SHROOM3: variants seen among roughly 807,000 people sequenced by gnomAD.
SHROOM3 encodes the protein protein Shroom3.
SHROOM3 carries 47 observed loss-of-function variants against 138.6 expected under a neutral mutation model. That is an observed-to-expected ratio of 0.34 (90% CI 0.27 to 0.43). SHROOM3 has a LOEUF of 0.43. SHROOM3 is among the 20% of genes least tolerant of loss of function. SHROOM3 has a pLI of 1.00. For synonymous variants in SHROOM3, 1,062 were observed against 1,063.3 expected (o/e 1.00, Z 0.02); for missense variants, 2,491 against 2,596.5 (o/e 0.96, Z 0.88).
At chr4:76,442,053 A>C (rs938679158) in intron 1 of SHROOM3, among the ~76,000 whole-genome samples, 24 of 152,198 alleles carry the variant, frequency 1.6e-4, no homozygotes, top group Non-Finnish European at 3.4e-4. Context: ...CAGGTATATA[A>C]AGGTCCTATA....
At chr4:76,504,180 C>T (rs1393913725) in intron 1 of SHROOM3, among the ~76,000 whole-genome samples, 2 of 151,146 alleles carry the variant, frequency 1.3e-5, no homozygotes, top group African/African-American at 4.9e-5. Flanking sequence ...TTTTTTGAAA[C>T]GGAGTTTTAC....
intron 2 of SHROOM3, among the ~76,000 whole-genome samples, chr4:76,576,712 T>G (rs968831017): frequency 6.6e-6 from 1 of 152,184 alleles, no homozygotes; most frequent in East Asian, 1.9e-4. Flanking sequence ...TTCTTCATGA[T>G]GTGATTATTA....
Position 76,739,748 on chromosome 4 carries a change from G to A in SHROOM3, c.1575G>A (p.Arg525=). 1 of 1,614,224 alleles carries A rather than the reference G, an allele frequency of 6.2e-7. No homozygotes were observed. The highest frequency in any genetic ancestry group is 8.5e-7 in the Non-Finnish European group (1 of 1,180,034). ...ATGGGAACCAGAATGGATCTGGCAG[G>A]CCTGGGTTTGCCTTCTGCCAGCCCT... ...DENGNQNGSG[R]PGFAFCQPLE... is the part of the protein sequence containing the mutation. The change falls in exon 5 of 11, where the codon AGG becomes AGA. Residue 525 remains arginine, a synonymous_variant. Transcript: ENST00000296043.
At chr4:76,755,256 A>C (rs938411815) in intron 7 of SHROOM3, 64 bp downstream of exon 7, 2 of 1,570,060 alleles carry the variant, frequency 1.3e-6, no homozygotes, top group East Asian at 2.3e-5. Flanking sequence ...CAGGTGGCCC[A>C]GGTCCTTCTG....
chr4:76,708,635 T>G (rs188853649), intron 2 of SHROOM3, among the ~76,000 whole-genome samples: 3 of 152,304 alleles, frequency 2.0e-5, no homozygotes, highest in African/African-American at 7.2e-5. Context: ...GAGGTATCTT[T>G]CAATCTACTT....
intron 3 of SHROOM3, 96 bp from the exon 4 acceptor site, chr4:76,730,708 C>T (rs2110128389): frequency 3.9e-6 from 6 of 1,535,886 alleles, no homozygotes; most frequent in Middle Eastern, 2.2e-4. Context: ...TCTGAGGACA[C>T]AGCAGTCTTC....
Position 76,539,879 on chromosome 4 carries a change from G to A in SHROOM3, c.169-15730G>A, listed in dbSNP as rs932947030. 3.9e-5 allele frequency among the ~76,000 whole-genome samples: 6 copies of A among 152,116 alleles called. No homozygotes were observed. The East Asian group carries it at 5.8e-4, about 15-fold the overall frequency. On this transcript the variant is annotated intron_variant, in intron 1 of 10. Transcript: ENST00000296043. ...TTTCTGGCCTCTGAGATGGAGTTTC[G>A]CTCTTTCACCCAGGCTGGAGTGCAG...
intron 2 of SHROOM3, among the ~76,000 whole-genome samples, chr4:76,661,649 C>G (rs1736190605): frequency 6.6e-6 from 1 of 152,134 alleles, no homozygotes; most frequent in Non-Finnish European, 1.5e-5. Flanking sequence ...TTTTTTCTAT[C>G]CTAGAAATTC....
At chr4:76,567,511 G>A (rs913426213) in intron 2 of SHROOM3, among the ~76,000 whole-genome samples, 11 of 152,090 alleles carry the variant, frequency 7.2e-5, no homozygotes, top group African/African-American at 2.4e-4. Context: ...TTAGCCGGGC[G>A]TCGTGGTGAG....
At chr4:76,562,030 A>G (rs1733609413) in intron 2 of SHROOM3, among the ~76,000 whole-genome samples, 1 of 152,142 alleles carries the variant, frequency 6.6e-6, no homozygotes. Flanking sequence ...AAACAAAAAA[A>G]ACCCTCAAAA....
chr4:76,448,558 G>A (rs912685704), intron 1 of SHROOM3, among the ~76,000 whole-genome samples: 26 of 152,196 alleles, frequency 1.7e-4, no homozygotes, highest in Admixed American at 2.0e-4. Flanking sequence ...ACTCTAAGGT[G>A]TATGTTTTCC....
At chr4:76,659,321 G>T (rs1736133928) in intron 2 of SHROOM3, among the ~76,000 whole-genome samples, 1 of 152,100 alleles carries the variant, frequency 6.6e-6, no homozygotes, top group Admixed American at 6.5e-5. Flanking sequence ...CAGACCCCAG[G>T]CACCTTGCCA....
intron 2 of SHROOM3, among the ~76,000 whole-genome samples, chr4:76,632,587 A>G (rs944461756): frequency 1.3e-5 from 2 of 152,198 alleles, no homozygotes. Flanking sequence ...GCTGAACTGC[A>G]GTGGGTTGAA....
intron 1 of SHROOM3, among the ~76,000 whole-genome samples, chr4:76,531,581 C>G (rs145283380): frequency 6.6e-6 from 1 of 152,116 alleles, no homozygotes; most frequent in Non-Finnish European, 1.5e-5. Flanking sequence ...GTTTCTTCAT[C>G]TGTCAGTCAT....
At chr4:76,771,365 C>CA (rs35063022) in intron 10 of SHROOM3, among the ~76,000 whole-genome samples, 8,548 of 138,918 alleles carry the variant, frequency 0.062, 275 homozygotes, top group Non-Finnish European at 0.075. Context: ...GCGACCACAT[C>CA]AAAAAAAAAA....
intron 1 of SHROOM3, among the ~76,000 whole-genome samples, chr4:76,448,705 G>A (rs1730863493): frequency 6.6e-6 from 1 of 152,042 alleles, no homozygotes; most frequent in African/African-American, 2.4e-5. Flanking sequence ...TTACCCCCAG[G>A]TAAACTACTT....
intron 1 of SHROOM3, among the ~76,000 whole-genome samples, chr4:76,466,351 C>A (rs1201429463): frequency 2.6e-5 from 4 of 152,174 alleles, no homozygotes; most frequent in Non-Finnish European, 5.9e-5. Context: ...ACAGAATCTG[C>A]TCCTCCATTT....
intron 1 of SHROOM3, among the ~76,000 whole-genome samples, chr4:76,540,631 AT>A (rs544521465): frequency 6.6e-6 from 1 of 152,176 alleles, no homozygotes; most frequent in Non-Finnish European, 1.5e-5. Context: ...AGTCAGTCAC[AT>A]TGTGGATTAT....
At chr4:76,716,003 A>G (rs1319191665) in intron 3 of SHROOM3, 9 of 195,712 alleles carry the variant, frequency 4.6e-5, no homozygotes, top group Non-Finnish European at 9.5e-5. Context: ...AGTTTGATGC[A>G]TTCTATCATC....
Sources: allele counts gnomAD v4.1 joint callset (sites outside exome capture counted in the v4.1 genomes callset), GRCh38; gene constraint gnomAD v4.1.1; transcripts MANE v1.5; gene names NCBI Gene and HGNC (gene_info 2026-07-23, HGNC 2026-07-21).